The following PHEX variants were observed in gnomAD, a reference collection of about 807,000 sequenced individuals.
PHEX encodes the protein phosphate regulating endopeptidase X-linked, also known as phosphate-regulating neutral endopeptidase PHEX.
PHEX carries 16 observed loss-of-function variants against 68.0 expected under a neutral mutation model. That is an observed-to-expected ratio of 0.24 (90% CI 0.16 to 0.36). The LOEUF (loss-of-function observed/expected upper bound fraction) is 0.36. Among genes scored for constraint, PHEX ranks in the 10% least tolerant of loss-of-function variants. The pLI is 1.00. For synonymous variants in PHEX, 208 were observed against 205.1 expected, an observed-to-expected ratio of 1.01 and a Z score of -0.12; for missense variants, 480 against 575.5, an observed-to-expected ratio of 0.83 and a Z score of 1.70.
At chrX:22,134,165 C>T (rs1388650484) in intron 12 of PHEX, among the ~76,000 whole-genome samples, 1 of 112,562 alleles carries the variant, frequency 8.9e-6, no homozygotes, top group Non-Finnish European at 1.9e-5. Flanking sequence ...GACCAGTGTT[C>T]TACCATTGCT....
chrX:22,075,089 A>AT (rs1380729706), intron 3 of PHEX, among the ~76,000 whole-genome samples: 14 of 108,635 alleles, frequency 1.3e-4, no homozygotes, highest in Non-Finnish European at 2.3e-4. Flanking sequence ...AAAAAAAAAA[A>AT]AATCCTTGGG....
At chrX:22,050,575 A>G (rs1392075051) in intron 3 of PHEX, among the ~76,000 whole-genome samples, 2 of 105,492 alleles carry the variant, frequency 1.9e-5, no homozygotes, top group Non-Finnish European at 3.9e-5. Flanking sequence ...CATCTCAGGA[A>G]AAAAAAAAAA....
At chrX:22,178,426 C>T (rs757058073) in intron 14 of PHEX, 50 bp downstream of exon 14, 13 of 770,645 alleles carry the variant, frequency 1.7e-5, no homozygotes, top group East Asian at 1.4e-4. Context: ...TGGTGAGAAG[C>T]GGAGTCTCTT....
chrX:22,056,619 G>A (rs1461735365), intron 3 of PHEX, among the ~76,000 whole-genome samples: 2 of 109,686 alleles, frequency 1.8e-5, no homozygotes, highest in African/African-American at 6.6e-5. Flanking sequence ...TGGACAATAT[G>A]GTGAAACCCT....
At chrX:22,176,154 A>C (rs773255526) in intron 13 of PHEX, among the ~76,000 whole-genome samples, 1 of 110,942 alleles carries the variant, frequency 9.0e-6, no homozygotes, top group South Asian at 3.8e-4. Context: ...TGGGAGGCCA[A>C]GGTGGGCGGA....
At chrX:22,237,180 T>C (rs1936010387) in intron 20 of PHEX, among the ~76,000 whole-genome samples, 1 of 112,098 alleles carries the variant, frequency 8.9e-6, no homozygotes, top group Non-Finnish European at 1.9e-5. Flanking sequence ...TCTTAAGTGA[T>C]ATATTAAGCA....
intron 6 of PHEX, among the ~76,000 whole-genome samples, chrX:22,090,735 A>G (rs1381785541): frequency 8.9e-6 from 1 of 111,947 alleles, no homozygotes; most frequent in Admixed American, 9.5e-5. Flanking sequence ...GGGAGACAGC[A>G]CTCCCAAATG....
chrX:22,198,133 TATATA>T (rs1934429255), intron 15 of PHEX, among the ~76,000 whole-genome samples: 2 of 92,647 alleles, frequency 2.2e-5, no homozygotes, highest in Non-Finnish European at 3.9e-5. Context: ...TATAATATAT[TATATA>T]ATATTTATAT....
chrX:22,101,852 T>C (rs1930443683), intron 9 of PHEX, among the ~76,000 whole-genome samples: 2 of 111,734 alleles, frequency 1.8e-5, no homozygotes, highest in African/African-American at 6.5e-5. Context: ...TCAAAGAGCC[T>C]ATCTCATTTT....
At chrX:22,230,117 C>T (rs1372228136) in intron 20 of PHEX, among the ~76,000 whole-genome samples, 1 of 109,742 alleles carries the variant, frequency 9.1e-6, no homozygotes, top group Non-Finnish European at 1.9e-5. Context: ...TGTTTTGGTA[C>T]CAGCACCATG....
intron 5 of PHEX, among the ~76,000 whole-genome samples, chrX:22,085,044 A>AT (rs895398282): frequency 1.8e-5 from 2 of 108,727 alleles, no homozygotes; most frequent in African/African-American, 6.7e-5. Flanking sequence ...GTTTGTTCTT[A>AT]TTTTTCTAGT....
chrX:22,189,601 A>G (rs1026328697), intron 14 of PHEX, among the ~76,000 whole-genome samples: 10 of 111,754 alleles, frequency 8.9e-5, no homozygotes, highest in Admixed American at 7.6e-4. Flanking sequence ...ATTGTACTTG[A>G]TTACTATTGT....
intron 20 of PHEX, among the ~76,000 whole-genome samples, chrX:22,230,003 C>G (rs1935656195): frequency 9.0e-6 from 1 of 111,165 alleles, no homozygotes; most frequent in African/African-American, 3.3e-5. Flanking sequence ...ATAGGGAATC[C>G]TTTCCCCATT....
chrX:22,166,405 T>C (rs1244561691), intron 12 of PHEX, among the ~76,000 whole-genome samples: 2 of 111,619 alleles, frequency 1.8e-5, no homozygotes, highest in Non-Finnish European at 3.8e-5. Flanking sequence ...CCTCATGTAC[T>C]TATAGTCCAG....
intron 20 of PHEX, among the ~76,000 whole-genome samples, chrX:22,240,920 C>T (rs1936168223): frequency 8.9e-6 from 1 of 111,914 alleles, no homozygotes; most frequent in Admixed American, 9.5e-5. Flanking sequence ...ACCAAGTGGA[C>T]CTAACAGGCA....
intron 12 of PHEX, among the ~76,000 whole-genome samples, chrX:22,153,346 A>G (rs1172717867): frequency 2.7e-5 from 3 of 112,153 alleles, no homozygotes; most frequent in African/African-American, 6.5e-5. Context: ...TGTAGCATAC[A>G]TTTTGGAAAA....
At chrX:22,236,347 T>TTTTAG (rs926710759) in intron 20 of PHEX, among the ~76,000 whole-genome samples, 4 of 112,553 alleles carry the variant, frequency 3.6e-5, no homozygotes, top group Non-Finnish European at 5.6e-5. Context: ...TGTTCAAGAA[T>TTTTAG]TTTAGTTTTA....
intron 15 of PHEX, among the ~76,000 whole-genome samples, chrX:22,194,094 C>A (rs1021658831): frequency 8.9e-6 from 1 of 111,964 alleles, no homozygotes; most frequent in East Asian, 2.8e-4. Flanking sequence ...TTTTTCTTGC[C>A]TGGGAAGGGC....
At chrX:22,234,184 T>A (rs1449192898) in intron 20 of PHEX, among the ~76,000 whole-genome samples, 1 of 112,953 alleles carries the variant, frequency 8.9e-6, no homozygotes, top group Non-Finnish European at 1.9e-5. Context: ...GAGGGGCACC[T>A]GCCAGATGCC....
Sources: allele counts gnomAD v4.1 joint callset (sites outside exome capture counted in the v4.1 genomes callset), GRCh38; gene constraint gnomAD v4.1.1; transcripts MANE v1.5; gene names NCBI Gene and HGNC (gene_info 2026-07-23, HGNC 2026-07-21).